AGBL2: variants seen among roughly 807,000 people sequenced by gnomAD.
AGBL2 encodes AGBL carboxypeptidase 2, also known as cytosolic carboxypeptidase 2.
Under a neutral mutation model 103.0 loss-of-function variants are expected in AGBL2, and 87 were observed. The ratio of observed to expected loss-of-function variants is 0.84; its 90% confidence interval spans 0.71 to 1.01. AGBL2 has a LOEUF of 1.01. Among genes scored for constraint, AGBL2 ranks in the 50% least tolerant of loss-of-function variants. The pLI, the probability that AGBL2 is intolerant of heterozygous loss-of-function variation, is 0.00. For synonymous variants in AGBL2, 335 were observed against 356.7 expected, an observed-to-expected ratio of 0.94 and a Z score of 0.69; for missense variants, 904 against 1,023.5, an observed-to-expected ratio of 0.88 and a Z score of 1.59.
At chr11:47,675,541 A>G (rs2097372151) in intron 14 of AGBL2, among the ~76,000 whole-genome samples, 1 of 151,694 alleles carries the variant, frequency 6.6e-6, no homozygotes, top group Admixed American at 6.6e-5. Context: ...GGCATGTGCC[A>G]CCACACCCAG....
intron 8 of AGBL2, among the ~76,000 whole-genome samples, chr11:47,697,459 C>T (rs2097479505): frequency 6.6e-6 from 1 of 151,284 alleles, no homozygotes. Context: ...ACGATGGTCT[C>T]GATCTCCTGA....
intron 15 of AGBL2, among the ~76,000 whole-genome samples, chr11:47,668,166 G>T (rs11601397): frequency 7.8e-6 from 1 of 128,732 alleles, no homozygotes; most frequent in African/African-American, 2.9e-5. Flanking sequence ...CTGAGATCAC[G>T]CCCCTGAACT....
intron 13 of AGBL2, among the ~76,000 whole-genome samples, chr11:47,678,592 C>A (rs1243241160): frequency 6.6e-6 from 1 of 151,360 alleles, no homozygotes; most frequent in Non-Finnish European, 1.5e-5. Flanking sequence ...CCTTAGCCTC[C>A]CAAAGTGCTG....
At chr11:47,680,145 T>G in intron 12 of AGBL2, 72 bp from the exon 13 acceptor site, 1 of 1,062,256 alleles carries the variant, frequency 9.4e-7, no homozygotes, top group South Asian at 1.4e-5. Flanking sequence ...TAATTTATGA[T>G]TATCTTTTTA....
intron 14 of AGBL2, 111 bp downstream of exon 14, chr11:47,677,160 A>G (rs1565023397): frequency 1.3e-5 from 12 of 945,704 alleles, no homozygotes; most frequent in Non-Finnish European, 7.1e-6. Context: ...GGCATAGATC[A>G]CCAAGCCCAG....
chr11:47,673,187 C>T (rs2097362565), intron 14 of AGBL2, among the ~76,000 whole-genome samples: 1 of 152,140 alleles, frequency 6.6e-6, no homozygotes, highest in South Asian at 2.1e-4. Flanking sequence ...GGGAAACAGA[C>T]AATAAACAAC....
chr11:47,691,371 C>A (rs2097444623), intron 9 of AGBL2, among the ~76,000 whole-genome samples: 2 of 151,424 alleles, frequency 1.3e-5, no homozygotes, highest in African/African-American at 4.8e-5. Context: ...TGCCAATTTG[C>A]AAAACAATAT....
At chr11:47,670,625 G>A (rs909461025) in intron 14 of AGBL2, among the ~76,000 whole-genome samples, 4 of 151,800 alleles carry the variant, frequency 2.6e-5, no homozygotes, top group Non-Finnish European at 4.4e-5. Flanking sequence ...GGAGGCCAAG[G>A]CAGGAGGGAT....
At chr11:47,700,309 C>T (rs918793014) in intron 7 of AGBL2, among the ~76,000 whole-genome samples, 1 of 152,032 alleles carries the variant, frequency 6.6e-6, no homozygotes, top group Non-Finnish European at 1.5e-5. Flanking sequence ...CTGGGTGCAG[C>T]GGCTTATGCC....
intron 3 of AGBL2, 70 bp from the exon 4 acceptor site, chr11:47,710,581 CA>C (rs1209007536): frequency 6.4e-7 from 1 of 1,562,396 alleles, no homozygotes; most frequent in Non-Finnish European, 8.8e-7. Flanking sequence ...AGGTCAATAC[CA>C]AACCACTACT....
intron 8 of AGBL2, among the ~76,000 whole-genome samples, chr11:47,697,280 C>T (rs1168437442): frequency 6.6e-6 from 1 of 152,030 alleles, no homozygotes; most frequent in Non-Finnish European, 1.5e-5. Context: ...GTCTGTCGCC[C>T]AGGCTGGAGT....
At chr11:47,681,753 T>C (rs1216573639) in intron 12 of AGBL2, among the ~76,000 whole-genome samples, 1 of 152,194 alleles carries the variant, frequency 6.6e-6, no homozygotes, top group African/African-American at 2.4e-5. Context: ...CCACTGCGCC[T>C]GGCCTGATTC....
In AGBL2 at chr11:47,704,672, ACTCAT is replaced by A. The variant is rs775347817; in HGVS notation, c.452_456del (p.Asp151ValfsTer3). 99 of 1,614,108 alleles carry A rather than the reference ACTCAT, an allele frequency of 6.1e-5. No homozygotes were observed. In the African/African-American group the frequency reaches 1.2e-3, roughly 20 times the overall value. The stretch of plus-strand genomic sequence containing the variant: ...CGAAGACGTGGGTTTACTTCATCCA[ACTCAT>A]CATAAAGAAGCTGTCTGCTCCTAAG... On this transcript the variant is annotated frameshift_variant, in exon 7 of 19. Transcript: ENST00000525123. LOFTEE classifies it high-confidence loss of function.
At chr11:47,663,542 C>A (rs1052156913) in intron 17 of AGBL2, among the ~76,000 whole-genome samples, 4 of 151,222 alleles carry the variant, frequency 2.6e-5, no homozygotes, top group Admixed American at 1.3e-4. Flanking sequence ...CACAGTGAGG[C>A]CTCATTATAG....
At chr11:47,687,807 C>CTTTTTTTTTTTTTTTTTTTCTTT (rs369461728) in intron 10 of AGBL2, among the ~76,000 whole-genome samples, 2 of 138,532 alleles carry the variant, frequency 1.4e-5, no homozygotes, top group Admixed American at 1.5e-4. Flanking sequence ...TTCTTTCTTT[C>CTTTTTTTTTTTTTTTTTTTCTTT]TTTTTTTTTT....
chr11:47,712,637 C>G (rs571843520), intron 3 of AGBL2, among the ~76,000 whole-genome samples: 2 of 152,340 alleles, frequency 1.3e-5, no homozygotes, highest in South Asian at 2.1e-4. Flanking sequence ...GGGACAGTGG[C>G]TCACGCCTGT....
chr11:47,688,980 C>G (rs962387065), intron 10 of AGBL2, among the ~76,000 whole-genome samples: 1 of 152,154 alleles, frequency 6.6e-6, no homozygotes, highest in East Asian at 1.9e-4. Context: ...AGGTGATCTG[C>G]CTGCCTCAGC....
intron 18 of AGBL2, 41 bp from the exon 19 acceptor site, chr11:47,660,387 T>C: frequency 6.4e-7 from 1 of 1,570,312 alleles, no homozygotes; most frequent in East Asian, 2.3e-5. Flanking sequence ...TCAGTTTATT[T>C]TGCCATTTCC....
At position 47,691,205 on chromosome 11, in the gene AGBL2, A is replaced by C. The variant is rs183784037; in HGVS notation, c.849-347T>G. 1.0e-3 allele frequency among the ~76,000 whole-genome samples: 158 copies of C among 152,032 alleles called. 1 individual carries two copies. In the East Asian group the frequency reaches 0.029, roughly 28 times the overall value. On this transcript the variant is annotated intron_variant, in intron 9 of 18. Transcript: ENST00000525123. The stretch of plus-strand genomic sequence containing the variant: ...CTTGAACCCACGAGGTGTAGGTTGC[A>C]GTGAGCTGAGATCGTGCCATTGCTC...
Sources: allele counts gnomAD v4.1 joint callset (sites outside exome capture counted in the v4.1 genomes callset), GRCh38; gene constraint gnomAD v4.1.1; transcripts MANE v1.5; gene names NCBI Gene and HGNC (gene_info 2026-07-23, HGNC 2026-07-21).